Variants in PDE11A observed in about 807,000 individuals in gnomAD.
The protein encoded by PDE11A is phosphodiesterase 11A.
Under a neutral mutation model 100.5 loss-of-function variants are expected in PDE11A, and 100 were observed. The observed-to-expected ratio is 1.00, with a 90% CI of 0.85 to 1.18. The LOEUF (loss-of-function observed/expected upper bound fraction) is 1.18, where lower values mean the gene tolerates loss of function less well. Ranked by LOEUF, PDE11A falls within the 50% of genes most tolerant of loss-of-function variation. PDE11A has a pLI of 0.00. For synonymous variants in PDE11A, 381 were observed against 420.8 expected (o/e 0.91, Z 1.16); for missense variants, 1,141 against 1,152.6 (o/e 0.99, Z 0.15).
upstream of PDE11A, chr2:178,073,022 G>C: frequency 2.0e-6 from 2 of 985,324 alleles, no homozygotes; most frequent in Non-Finnish European, 2.4e-6. Context: ...CCCGCTTCTT[G>C]CTCCCTTACC....
intron 4 of PDE11A, among the ~76,000 whole-genome samples, chr2:177,887,317 A>G (rs543631154): frequency 1.3e-5 from 2 of 152,380 alleles, no homozygotes; most frequent in Non-Finnish European, 2.9e-5. Flanking sequence ...GAATCTGTTA[A>G]GCTAAAAATT....
intron 5 of PDE11A, among the ~76,000 whole-genome samples, chr2:177,868,923 C>G (rs752743490): frequency 6.6e-6 from 1 of 152,198 alleles, no homozygotes; most frequent in Non-Finnish European, 1.5e-5. Flanking sequence ...TGTGCAGATA[C>G]ATGTCTAAAA....
intron 2 of PDE11A, among the ~76,000 whole-genome samples, chr2:178,012,782 G>A (rs2086287222): frequency 6.6e-6 from 1 of 152,148 alleles, no homozygotes; most frequent in Non-Finnish European, 1.5e-5. Context: ...AGGCAGCAGA[G>A]CAAAGGCAGG....
chr2:177,920,752 T>C (rs982139348), intron 2 of PDE11A, among the ~76,000 whole-genome samples: 14 of 152,138 alleles, frequency 9.2e-5, no homozygotes, highest in African/African-American at 2.7e-4. Context: ...TATATAAGTA[T>C]ATTTTGCTTC....
intron 18 of PDE11A, among the ~76,000 whole-genome samples, chr2:177,666,175 A>G (rs1274873605): frequency 6.6e-6 from 1 of 152,174 alleles, no homozygotes; most frequent in African/African-American, 2.4e-5. Flanking sequence ...CAATCTTATG[A>G]TATGTGGTCT....
rs181688060 is a variant in PDE11A, at chr2:177,870,937, C to G, written c.1367+4922G>C. Reference sequence around the variant, plus strand: ...AAAAGTATTCATTCTGGAAATAGAACCTCTTTTAGTTCTAATTCCTTATTG... The same window carrying G: ...AAAAGTATTCATTCTGGAAATAGAAGCTCTTTTAGTTCTAATTCCTTATTG... On this transcript the variant is annotated intron_variant, in intron 5 of 19. Transcript: ENST00000286063. Among the ~76,000 whole-genome samples, 4 of 152,248 alleles carry G rather than the reference C, an allele frequency of 2.6e-5. No individual in the cohort carries two copies. The East Asian group carries it at 7.7e-4, about 29-fold the overall frequency.
intron 10 of PDE11A, among the ~76,000 whole-genome samples, chr2:177,733,798 C>T (rs2081729615): frequency 6.6e-6 from 1 of 152,178 alleles, no homozygotes; most frequent in African/African-American, 2.4e-5. Context: ...TATTATGTGC[C>T]AGATACTGTT....
intron 2 of PDE11A, among the ~76,000 whole-genome samples, chr2:178,078,019 C>T (rs540850628): frequency 6.6e-6 from 1 of 152,044 alleles, no homozygotes; most frequent in Non-Finnish European, 1.5e-5. Flanking sequence ...TTTCAAGTCA[C>T]CATGTTTGTG....
At chr2:177,840,472 T>C in intron 5 of PDE11A, 89 bp from the exon 6 acceptor site, 1 of 1,128,536 alleles carries the variant, frequency 8.9e-7, no homozygotes, top group Non-Finnish European at 1.3e-6. Flanking sequence ...AATATCAGGA[T>C]AATCTGTCCT....
chr2:177,795,935 C>CTATATATA (rs55861102), intron 9 of PDE11A, among the ~76,000 whole-genome samples: 1,045 of 67,054 alleles, frequency 0.016, 54 homozygotes, highest in Non-Finnish European at 0.024. Flanking sequence ...TTTGTTTAAA[C>CTATATATA]TATATATATA....
chr2:178,100,112 G>C (rs1414138756), intron 2 of PDE11A, among the ~76,000 whole-genome samples: 1 of 152,102 alleles, frequency 6.6e-6, no homozygotes, highest in Admixed American at 6.6e-5. Flanking sequence ...CTATTCAATG[G>C]GTACAGAGTT....
chr2:177,708,892 G>A (rs577618657), intron 13 of PDE11A, among the ~76,000 whole-genome samples: 2 of 152,338 alleles, frequency 1.3e-5, no homozygotes, highest in Admixed American at 1.3e-4. Flanking sequence ...TTTGGAAAAG[G>A]CACAACCAGG....
At chr2:177,727,924 G>T (rs2081623932) in intron 11 of PDE11A, 102 bp downstream of exon 11, 2 of 1,116,156 alleles carry the variant, frequency 1.8e-6, no homozygotes, top group East Asian at 4.8e-5. Flanking sequence ...GTGCAGGGCA[G>T]GGATTATCAT....
chr2:178,083,662 C>A (rs974590040), intron 2 of PDE11A, among the ~76,000 whole-genome samples: 1 of 152,132 alleles, frequency 6.6e-6, no homozygotes, highest in African/African-American at 2.4e-5. Flanking sequence ...CTTTGATTGG[C>A]TGTACAACTA....
At chr2:177,842,311 G>T (rs1015483749) in intron 5 of PDE11A, among the ~76,000 whole-genome samples, 1 of 152,210 alleles carries the variant, frequency 6.6e-6, no homozygotes, top group African/African-American at 2.4e-5. Flanking sequence ...TTACCAATAA[G>T]TGTCAACAAT....
intron 2 of PDE11A, among the ~76,000 whole-genome samples, chr2:178,004,417 G>A (rs1307471222): frequency 1.3e-5 from 2 of 152,114 alleles, no homozygotes; most frequent in African/African-American, 4.8e-5. Flanking sequence ...AGCATTCTAA[G>A]ATGAAAAGAA....
At chr2:177,774,323 A>G (rs2082350373) in intron 9 of PDE11A, among the ~76,000 whole-genome samples, 2 of 152,158 alleles carry the variant, frequency 1.3e-5, no homozygotes, top group Admixed American at 6.5e-5. Flanking sequence ...TTACTCCTCA[A>G]TATGCCTCAG....
At chr2:177,835,524 C>A (rs954714992) in intron 6 of PDE11A, among the ~76,000 whole-genome samples, 14 of 152,202 alleles carry the variant, frequency 9.2e-5, no homozygotes, top group Non-Finnish European at 2.1e-4. Flanking sequence ...GTGCTGGCAG[C>A]CCTCGCTTGC....
intron 3 of PDE11A, among the ~76,000 whole-genome samples, chr2:177,903,144 T>G (rs2084725231): frequency 6.6e-6 from 1 of 152,180 alleles, no homozygotes; most frequent in Non-Finnish European, 1.5e-5. Context: ...CTCTCTGCTC[T>G]CTAAACACAC....
Sources: gnomAD v4.1 joint callset for allele counts (sites outside exome capture counted in the v4.1 genomes callset) on GRCh38, gnomAD v4.1.1 for gene constraint, MANE v1.5 for transcripts, NCBI Gene and HGNC (gene_info 2026-07-23, HGNC 2026-07-21) for gene names.